Variants in ABCC1 observed in about 807,000 individuals in gnomAD.
The protein encoded by ABCC1 is multidrug resistance-associated protein 1.
Under a neutral mutation model 172.9 loss-of-function variants are expected in ABCC1, and 83 were observed. That is an observed-to-expected ratio of 0.48 (90% CI 0.40 to 0.58). The LOEUF (loss-of-function observed/expected upper bound fraction) is 0.58. Ranked by LOEUF, ABCC1 falls within the 20% of genes least tolerant of loss-of-function variation. The pLI is 0.00. For synonymous variants in ABCC1, 937 were observed against 825.2 expected (o/e 1.14, Z -2.32); for missense variants, 1,817 against 2,002.7 (o/e 0.91, Z 1.77).
chr16:16,063,501 CATGA>C (rs1204964554), intron 12 of ABCC1, among the ~76,000 whole-genome samples: 1 of 152,134 alleles, frequency 6.6e-6, no homozygotes, highest in African/African-American at 2.4e-5. Context: ...TGAATAAATA[CATGA>C]ATGAATGAGA....
rs754204788 is a variant in ABCC1 at position 16,052,851 on chromosome 16, G to C, written c.1473+35G>C. Reference sequence around the variant, plus strand: ...GTGTCTCTGCGGGCCCCCAAGCCGGGCCCTAGGCAGAGGCCTCTCCATGAG... The same window carrying C: ...GTGTCTCTGCGGGCCCCCAAGCCGGCCCCTAGGCAGAGGCCTCTCCATGAG... On this transcript the variant is annotated intron_variant, in intron 11 of 30. Transcript: ENST00000399410. The C allele has an allele frequency of 8.7e-6, 14 of 1,606,048 alleles. No individual in the cohort carries two copies. In the South Asian group the frequency reaches 1.5e-4, roughly 18 times the overall value.
intron 1 of ABCC1, among the ~76,000 whole-genome samples, chr16:15,950,697 C>A (rs1189526313): frequency 3.3e-5 from 5 of 152,206 alleles, no homozygotes. Context: ...GCAGGCACTT[C>A]TGTCTCGTGC....
At chr16:16,000,639 A>T (rs935410191) in intron 1 of ABCC1, among the ~76,000 whole-genome samples, 12 of 151,892 alleles carry the variant, frequency 7.9e-5, no homozygotes, top group Non-Finnish European at 1.3e-4. Context: ...AAATTATTTT[A>T]TTAAAAAAGA....
chr16:16,048,007 A>G (rs1252579022), intron 9 of ABCC1, 135 bp from the exon 10 acceptor site: 4 of 1,129,722 alleles, frequency 3.5e-6, no homozygotes, highest in East Asian at 4.7e-5. Context: ...GCAGACAGAT[A>G]GGTCGGGAGG....
intron 1 of ABCC1, among the ~76,000 whole-genome samples, chr16:15,998,994 TA>T (rs1029356643): frequency 4.0e-5 from 6 of 151,854 alleles, no homozygotes; most frequent in Non-Finnish European, 8.8e-5. Context: ...TTAAAAAAAT[TA>T]AAAAAAAATT....
At chr16:16,006,339 A>T (rs1361982269) in intron 1 of ABCC1, among the ~76,000 whole-genome samples, 3 of 152,072 alleles carry the variant, frequency 2.0e-5, no homozygotes, top group African/African-American at 7.2e-5. Flanking sequence ...GGACTGCTTG[A>T]GCCCAAAAGT....
chr16:16,134,418 G>A lies in ABCC1; in HGVS notation c.4035G>A (p.Glu1345=). 1 of 1,614,130 alleles carries A rather than the reference G, an allele frequency of 6.2e-7. No individual in the cohort carries two copies. The highest frequency in any genetic ancestry group is 8.5e-7 in the Non-Finnish European group (1 of 1,180,030). The change falls in exon 28 of 31, where the codon GAG becomes GAA. Residue 1345 remains glutamate, a synonymous_variant. Transcript: ENST00000399410. ...CCCTGGGCTTATTTCGGATCAACGA[G>A]TCTGCCGAAGGAGAGATCATCATCG... is the stretch of plus-strand genomic sequence containing the variant. ...SLTLGLFRIN[E]SAEGEIIIDG... is the part of the protein sequence containing the mutation.
At chr16:16,085,028 C>A (rs1365384067) in intron 17 of ABCC1, among the ~76,000 whole-genome samples, 1 of 152,174 alleles carries the variant, frequency 6.6e-6, no homozygotes, top group Non-Finnish European at 1.5e-5. Context: ...CCTAGGTAAT[C>A]ATTGAGGAAA....
At chr16:16,102,460 C>T (rs1055857065) in intron 19 of ABCC1, among the ~76,000 whole-genome samples, 167 bp from the exon 20 acceptor site, 1 of 152,216 alleles carries the variant, frequency 6.6e-6, no homozygotes. Flanking sequence ...GCCCCACAAC[C>T]AGACAGCCTG....
chr16:16,115,609 A>G (rs551728829), intron 23 of ABCC1, among the ~76,000 whole-genome samples: 1 of 152,192 alleles, frequency 6.6e-6, no homozygotes, highest in African/African-American at 2.4e-5. Flanking sequence ...GACCTCCCCA[A>G]GTGTTGGGAT....
At chr16:16,101,176 C>T (rs1439796373) in intron 19 of ABCC1, among the ~76,000 whole-genome samples, 2 of 152,072 alleles carry the variant, frequency 1.3e-5, no homozygotes, top group Non-Finnish European at 2.9e-5. Context: ...GGATTACAGG[C>T]ATGCACCACC....
rs1179240663 is a variant in ABCC1 at position 16,069,173 on chromosome 16, T to A, written c.1824+871T>A. On this transcript the variant is annotated intron_variant, in intron 13 of 30. Coordinates refer to ENST00000399410, the MANE Select transcript of ABCC1 (RefSeq NM_004996.4). ...AAAATAAAATAAAATAAAATAAAAA[T>A]AAATAAATAAATAAATAAATAAATA... 9.0e-3 allele frequency among the ~76,000 whole-genome samples: 609 copies of A among 67,708 alleles called. 9 individuals carry two copies. The highest frequency in any genetic ancestry group is 0.044 in the African/African-American group (477 of 10,930). The allele number at this position is 67,708 out of a possible 152,430, so 44.4% of individuals were successfully genotyped here. A position where few individuals can be genotyped will look rare whatever the true frequency, so the allele number is the denominator to read the frequency against.
At chr16:16,059,756 G>A (rs999586568) in intron 12 of ABCC1, among the ~76,000 whole-genome samples, 2 of 152,040 alleles carry the variant, frequency 1.3e-5, no homozygotes, top group African/African-American at 2.4e-5. Context: ...AGTGAGCCAA[G>A]ATCATGCCAC....
rs761595745 is a variant in ABCC1 at position 16,052,755 on chromosome 16, C to T, written c.1412C>T (p.Ala471Val). The T allele has an allele frequency of 5.0e-6, 8 of 1,613,948 alleles. No homozygotes were observed. Among genetic ancestry groups the T allele is most frequent in the East Asian group, 2.2e-5 (1 of 44,882 alleles). The change falls in exon 11 of 31, where the codon GCG becomes GTG. Residue 471 changes from alanine (A) to valine (V), a missense_variant. This residue lies in a region of ABCC1 where 1,412 missense variants were observed against 1,600.3 expected (regional missense o/e 0.88). Transcript: ENST00000399410. ...GGCCCTTCCGTCCTGGCTGGAGTGG[C>T]GGTGATGGTCCTCATGGTGCCCGTC... ...NLGPSVLAGV[A>V]VMVLMVPVNA...
intron 12 of ABCC1, among the ~76,000 whole-genome samples, chr16:16,062,749 A>C (rs1374200672): frequency 6.6e-6 from 1 of 152,134 alleles, no homozygotes; most frequent in Non-Finnish European, 1.5e-5. Context: ...CCTGTGCTTC[A>C]AAGACGATGA....
chr16:16,043,220 C>CCGTTTTTTTTTT (rs1437069469), intron 7 of ABCC1, among the ~76,000 whole-genome samples: 3 of 93,170 alleles, frequency 3.2e-5, no homozygotes, highest in African/African-American at 1.2e-4. Context: ...GCTGGCTGGA[C>CCGTTTTTTTTTT]TGTTTTTTTT....
intron 1 of ABCC1, among the ~76,000 whole-genome samples, chr16:15,974,562 TAGAG>T (rs1179197454): frequency 4.6e-5 from 7 of 152,178 alleles, no homozygotes; most frequent in African/African-American, 7.2e-5. Context: ...ATCATTCAGT[TAGAG>T]AGACCAGGCT....
chr16:16,018,503 C>G (rs1344590435), intron 5 of ABCC1, among the ~76,000 whole-genome samples: 1 of 152,038 alleles, frequency 6.6e-6, no homozygotes, highest in African/African-American at 2.4e-5. Context: ...GAGCAGAGAT[C>G]ACACCACTGC....
At chr16:16,070,534 A>G (rs1037063364) in intron 13 of ABCC1, among the ~76,000 whole-genome samples, 4 of 151,930 alleles carry the variant, frequency 2.6e-5, no homozygotes, top group East Asian at 3.9e-4. Flanking sequence ...GTGTGGTGGC[A>G]GGTGCCTGTA....
Sources: allele counts gnomAD v4.1 joint callset (sites outside exome capture counted in the v4.1 genomes callset), GRCh38; gene constraint gnomAD v4.1.1; regional missense constraint gnomAD v4.1.1; transcripts MANE v1.5; gene names NCBI Gene and HGNC (gene_info 2026-07-23, HGNC 2026-07-21).